Variants in NOL4L observed in about 807,000 individuals in gnomAD.
NOL4L encodes the protein nucleolar protein 4 like.
A neutral mutation model predicts 64.5 loss-of-function variants in NOL4L; 7 were observed. That is an observed-to-expected ratio of 0.11 (90% CI 0.06 to 0.20). NOL4L has a LOEUF of 0.20. Ranked by LOEUF, NOL4L falls within the 10% of genes least tolerant of loss-of-function variation. The pLI, the probability that NOL4L is intolerant of heterozygous loss-of-function variation, is 1.00. For missense variants in NOL4L, 680 were observed against 967.1 expected, an observed-to-expected ratio of 0.70 and a Z score of 3.94; for synonymous variants, 413 against 401.0, an observed-to-expected ratio of 1.03 and a Z score of -0.36.
intron 4 of NOL4L, among the ~76,000 whole-genome samples, chr20:32,509,517 C>CAAAA (rs71338441): frequency 3.7e-4 from 23 of 62,746 alleles, no homozygotes; most frequent in South Asian, 6.5e-4. Context: ...GACTCTGCCT[C>CAAAA]AAAAAAAAAA....
chr20:32,488,827 T>TTTTCTTTCTTTCTTTCTTTC (rs1175303976), intron 4 of NOL4L, among the ~76,000 whole-genome samples: 30 of 33,142 alleles, frequency 9.1e-4, no homozygotes, highest in Non-Finnish European at 1.2e-3. Context: ...CTTTCTTTCT[T>TTTTCTTTCTTTCTTTCTTTC]TTTCTTTCTT....
intron 1 of NOL4L, among the ~76,000 whole-genome samples, chr20:32,541,863 TG>T (rs1200722844): frequency 1.3e-5 from 2 of 152,230 alleles, no homozygotes; most frequent in East Asian, 3.8e-4. Context: ...GGCTTTTCAA[TG>T]GGGGTTTTGT....
At chr20:32,536,238 G>GA in intron 1 of NOL4L, 5 of 985,438 alleles carry the variant, frequency 5.1e-6, no homozygotes, top group Non-Finnish European at 6.0e-6. Context: ...GGGAGTCACC[G>GA]AAGGGGGGGT....
At chr20:32,523,276 G>C (rs1457295024) in intron 2 of NOL4L, among the ~76,000 whole-genome samples, 1 of 152,184 alleles carries the variant, frequency 6.6e-6, no homozygotes, top group Non-Finnish European at 1.5e-5. Context: ...AGGGAGGGAA[G>C]CCCTGCCCCA....
rs1481626842 is a variant in NOL4L, at chr20:32,443,470, A to G, written c.*4126T>C. 6.6e-6 allele frequency: 1 copy of G among 152,268 alleles called. No homozygotes were observed. The highest frequency in any genetic ancestry group is 1.9e-4 in the East Asian group (1 of 5,206). The allele number at this position is 152,268 out of a possible 1,614,324, so 9.4% of individuals were successfully genotyped here. A position where few individuals can be genotyped will look rare whatever the true frequency, so the allele number is the denominator to read the frequency against. ...ATAATTTAGAGGTGAAGCCATTAAT[A>G]GAGTCACCTTTAAAAGTTGGTGCCA... is the stretch of plus-strand genomic sequence containing the variant. On this transcript the variant is annotated 3_prime_UTR_variant, in exon 11 of 11. Coordinates refer to ENST00000621426, the MANE Select transcript of NOL4L (RefSeq NM_001256798.2).
At chr20:32,561,467 G>A (rs1242334002) in intron 1 of NOL4L, among the ~76,000 whole-genome samples, 4 of 152,218 alleles carry the variant, frequency 2.6e-5, no homozygotes, top group African/African-American at 9.6e-5. Flanking sequence ...CAGAGCCGAG[G>A]GTGTGCCCAA....
Position 32,453,801 on chromosome 20 carries a change from C to G in NOL4L, c.1120-40G>C. ...AGAGGCAGAGGGTTGGGCCAAGCAG[C>G]TGCTCAAGCCCTTGCTGGGTCTCCT... On this transcript the variant is annotated intron_variant, in intron 6 of 10. Transcript: ENST00000621426. This position sits in a 1 kb window ranked among gnomAD's most constrained non-coding sequence, Gnocchi z 5.6. 1.3e-6 allele frequency: 2 copies of G among 1,539,682 alleles called. No homozygotes were observed. Among genetic ancestry groups the G allele is most frequent in the Non-Finnish European group, 1.8e-6 (2 of 1,137,764 alleles).
At chr20:32,492,986 G>A (rs2016526386) in intron 4 of NOL4L, among the ~76,000 whole-genome samples, 1 of 152,114 alleles carries the variant, frequency 6.6e-6, no homozygotes, top group African/African-American at 2.4e-5. Flanking sequence ...CTCCAGCAGA[G>A]CAGGAGGAAT....
intron 1 of NOL4L, among the ~76,000 whole-genome samples, chr20:32,554,302 C>T (rs1373555424): frequency 8.4e-6 from 1 of 119,462 alleles, no homozygotes; most frequent in Non-Finnish European, 1.6e-5. Context: ...GCCTGGGCGA[C>T]AGAGTGAGAC....
chr20:32,570,092 A>G (rs961010626), intron 1 of NOL4L, among the ~76,000 whole-genome samples: 4 of 152,072 alleles, frequency 2.6e-5, no homozygotes, highest in Admixed American at 1.3e-4. Flanking sequence ...TGCTAGGCCC[A>G]TTGTACAGAG....
intron 4 of NOL4L, among the ~76,000 whole-genome samples, chr20:32,506,524 G>A (rs1312976805): frequency 6.6e-6 from 1 of 152,114 alleles, no homozygotes. Context: ...AGCCGGGCGT[G>A]GTGGTGCGTG....
At chr20:32,457,558 G>A (rs2013668098) in intron 5 of NOL4L, among the ~76,000 whole-genome samples, 1 of 151,106 alleles carries the variant, frequency 6.6e-6, no homozygotes, top group African/African-American at 2.4e-5. Context: ...GCGACCGAGC[G>A]GCTCTAGCGC....
At chr20:32,488,807 T>TCTC (rs2016272328) in intron 4 of NOL4L, among the ~76,000 whole-genome samples, 3 of 25,996 alleles carry the variant, frequency 1.2e-4, no homozygotes, top group Non-Finnish European at 1.9e-4. Context: ...TTCTTTCTTT[T>TCTC]TCTTTCTTTC....
At chr20:32,515,979 A>G (rs1245664357) in intron 3 of NOL4L, among the ~76,000 whole-genome samples, 1 of 152,228 alleles carries the variant, frequency 6.6e-6, no homozygotes, top group Non-Finnish European at 1.5e-5. Context: ...GGGCCAAGCC[A>G]GGTTGTTTGC....
chr20:32,548,146 T>C (rs2018755249), intron 1 of NOL4L, among the ~76,000 whole-genome samples: 1 of 152,224 alleles, frequency 6.6e-6, no homozygotes, highest in South Asian at 2.1e-4. Context: ...ACTTAGGCAC[T>C]GAGAGGAGAA....
At chr20:32,497,724 C>T (rs1190533202) in intron 4 of NOL4L, among the ~76,000 whole-genome samples, 1 of 152,196 alleles carries the variant, frequency 6.6e-6, no homozygotes, top group Admixed American at 6.5e-5. Flanking sequence ...CCAGGAAAGA[C>T]GTCTCCTTTC....
At position 32,447,255 on chromosome 20, in the gene NOL4L, T is replaced by TG. The variant is rs1171127549; in HGVS notation, c.*340dup. On this transcript the variant is annotated 3_prime_UTR_variant, in exon 11 of 11. Transcript: ENST00000621426. ...ACCTAAGACTTGAAAGGTAATTATC[T>TG]GGGGGTGGGATTCTAACATCAGGGT... 3 of 535,276 alleles carry TG rather than the reference T, an allele frequency of 5.6e-6. No individual in the cohort carries two copies. The highest frequency in any genetic ancestry group is 3.1e-5 in the South Asian group (2 of 65,310). 33.2% of individuals were successfully genotyped at this position (535,276 alleles called of 1,614,324 possible).
chr20:32,472,964 A>G (rs2015127022), intron 5 of NOL4L, among the ~76,000 whole-genome samples: 2 of 152,160 alleles, frequency 1.3e-5, no homozygotes, highest in Non-Finnish European at 1.5e-5. Context: ...TGGCCAGGCC[A>G]GCCAGCCTCT....
At chr20:32,500,999 C>G (rs1023581300) in intron 4 of NOL4L, among the ~76,000 whole-genome samples, 1 of 152,152 alleles carries the variant, frequency 6.6e-6, no homozygotes, top group Non-Finnish European at 1.5e-5. Flanking sequence ...GTTGATAATT[C>G]ACCCTAAAAA....
Sources: allele counts gnomAD v4.1 joint callset (sites outside exome capture counted in the v4.1 genomes callset), GRCh38; gene constraint gnomAD v4.1.1; non-coding constraint Gnocchi (gnomAD v3.1); transcripts MANE v1.5; gene names NCBI Gene and HGNC (gene_info 2026-07-23, HGNC 2026-07-21).